Variants in TCF25 observed in about 807,000 individuals in gnomAD.
TCF25 encodes ribosome quality control complex subunit TCF25.
In TCF25, 41 loss-of-function variants were observed where a neutral mutation model predicts 83.1. The observed-to-expected ratio is 0.49, with a 90% CI of 0.38 to 0.64. TCF25 has a LOEUF of 0.64. Among genes scored for constraint, TCF25 ranks in the 30% least tolerant of loss-of-function variants. TCF25 has a pLI of 0.00. For synonymous variants in TCF25, 458 were observed against 365.0 expected, an observed-to-expected ratio of 1.25 and a Z score of -2.90; for missense variants, 979 against 914.5, an observed-to-expected ratio of 1.07 and a Z score of -0.91.
intron 9 of TCF25, among the ~76,000 whole-genome samples, chr16:89,896,409 G>C (rs746091174): frequency 1.3e-5 from 2 of 152,100 alleles, no homozygotes; most frequent in Non-Finnish European, 2.9e-5. Context: ...ATAAATGTTT[G>C]TGTTAGAAGT....
chr16:89,898,822 T>G lies in TCF25; in HGVS notation c.1171T>G (p.Leu391Val). The G allele has an allele frequency of 6.2e-7, 1 of 1,613,938 alleles. No individual in the cohort carries two copies. ...CMLLLIDHLA[L>V]RARNYEYLIR... ...GCTGCTGCTCATCGACCACCTGGCC[T>G]TGCGGGCCCGGAACTACGAGTACCT... The change falls in exon 11 of 18, where the codon TTG becomes GTG. Residue 391 changes from leucine (L) to valine (V), a missense_variant. By Grantham distance (32) the Leu-to-Val change is conservative. Transcript: ENST00000263346.
intron 1 of TCF25, chr16:89,878,588 C>T: frequency 8.6e-7 from 1 of 1,165,396 alleles, no homozygotes; most frequent in South Asian, 1.6e-5. Flanking sequence ...AAATGTTCCC[C>T]ATTTGAGACC....
chr16:89,904,202 T>C lies in TCF25; in HGVS notation c.1466T>C (p.Ile489Thr), dbSNP rs2044582662. Residue 489 changes from isoleucine to threonine, a missense_variant, in exon 13 of 18, where the codon ATA (isoleucine) becomes ACA (threonine). Transcript: ENST00000263346. ...CGCTTCTTTGGACCCAATGCTGAAA[T>C]AAGGTAAAGAGTGGCTGGTGGTGCC... is the stretch of plus-strand genomic sequence containing the variant. The part of the protein sequence containing the change: ...SHRFFGPNAE[I>T]SQPPALSQLV... 6.4e-7 allele frequency: 1 copy of C among 1,569,746 alleles called. No individual in the cohort carries two copies. Among genetic ancestry groups the C allele is most frequent in the African/African-American group, 1.4e-5 (1 of 73,744 alleles).
chr16:89,881,761 T>G (rs969381709), intron 1 of TCF25, among the ~76,000 whole-genome samples: 3 of 152,010 alleles, frequency 2.0e-5, no homozygotes, highest in South Asian at 2.1e-4. Flanking sequence ...CCTCTTTTTT[T>G]TTTGTTTTCT....
chr16:89,877,835 G>C (rs144115683), intron 1 of TCF25, among the ~76,000 whole-genome samples: 1 of 152,136 alleles, frequency 6.6e-6, no homozygotes, highest in African/African-American at 2.4e-5. Flanking sequence ...AGATAGTAAC[G>C]GGCGATAAGG....
Position 89,885,896 on chromosome 16 carries a change from A to G in TCF25, c.478A>G (p.Ser160Gly), listed in dbSNP as rs374708123. 69 of 1,614,072 alleles carry G rather than the reference A, an allele frequency of 4.3e-5. No individual in the cohort carries two copies. Among genetic ancestry groups the G allele is most frequent in the Non-Finnish European group, 5.7e-5 (67 of 1,180,044 alleles). ...IDRILERIED[S>G]TGLNRPGPAP... ...TCGCATCCTAGAGAGGATTGAGGAC[A>G]GCACTGGGTTGAACCGTCCCGGCCC... Residue 160 changes from serine to glycine, a missense_variant, in exon 4 of 18, where the codon AGC (serine) becomes GGC (glycine). Physicochemically the swap from Ser to Gly is moderately conservative, Grantham distance 56. Transcript: ENST00000263346.
chr16:89,886,926 C>G (rs533050905), intron 4 of TCF25, among the ~76,000 whole-genome samples: 54 of 152,238 alleles, frequency 3.5e-4, no homozygotes, highest in African/African-American at 1.3e-3. Flanking sequence ...CTGGGTGATA[C>G]AGCGAGACTC....
Position 89,894,031 on chromosome 16 carries a change from C to T in TCF25, c.828+173C>T, listed in dbSNP as rs1188078480. 3.1e-5 allele frequency: 30 copies of T among 954,766 alleles called. No individual in the cohort carries two copies. The Admixed American group carries it at 4.0e-4, about 13-fold the overall frequency. 59.1% of individuals were successfully genotyped at this position (954,766 alleles called of 1,614,324 possible). A position where few individuals can be genotyped will look rare whatever the true frequency, so the allele number is the denominator to read the frequency against. On this transcript the variant is annotated intron_variant, in intron 7 of 17. Transcript: ENST00000263346. ...CCCTGTGACCAGAAGGAGATGTGTT[C>T]GGAGGCTCTAGGCCAAGCGAGCTCC...
intron 5 of TCF25, chr16:89,890,074 T>C (rs1221098954): frequency 6.6e-6 from 1 of 152,182 alleles, no homozygotes; most frequent in African/African-American, 2.4e-5. Context: ...TTCACCATGT[T>C]GGCCAGGCTG....
At chr16:89,879,192 G>A (rs563568121) in intron 1 of TCF25, among the ~76,000 whole-genome samples, 31 of 150,680 alleles carry the variant, frequency 2.1e-4, no homozygotes, top group African/African-American at 6.8e-4. Flanking sequence ...CCTATCACCC[G>A]TGCTGTCCGT....
chr16:89,899,390 A>T (rs2044139002), intron 11 of TCF25, among the ~76,000 whole-genome samples: 1 of 152,208 alleles, frequency 6.6e-6, no homozygotes, highest in African/African-American at 2.4e-5. Context: ...ATTGGGTTAG[A>T]TATAACGTAT....
chr16:89,886,278 T>C, intron 4 of TCF25: 1 of 365,538 alleles, frequency 2.7e-6, no homozygotes, highest in South Asian at 2.1e-5. Flanking sequence ...ATACAAAAAA[T>C]TAGCTGGGCG....
rs754167639 is a variant in TCF25 at position 89,909,119 on chromosome 16, A to C, written c.1800-1472A>C. The C allele has an allele frequency of 3.9e-5, 50 of 1,288,384 alleles. No individual in the cohort carries two copies. The East Asian group carries it at 2.7e-3, about 69-fold the overall frequency. The allele number at this position is 1,288,384 out of a possible 1,614,324, so 79.8% of individuals were successfully genotyped here. A position where few individuals can be genotyped will look rare whatever the true frequency, so the allele number is the denominator to read the frequency against. ...CACAGTGGAAGCAGGTGTGCAGTGA[A>C]GTGGGGAAAACATATTAATTTTAGA... is the stretch of plus-strand genomic sequence containing the variant. On this transcript the variant is annotated intron_variant, in intron 16 of 17. Coordinates refer to ENST00000263346, the MANE Select transcript of TCF25 (RefSeq NM_014972.3).
chr16:89,884,416 G>C (rs1386463031), intron 2 of TCF25, among the ~76,000 whole-genome samples, 166 bp from the exon 3 acceptor site: 1 of 152,116 alleles, frequency 6.6e-6, no homozygotes, highest in Non-Finnish European at 1.5e-5. Context: ...CGGAGAGGTG[G>C]GAAGGTGCCT....
At chr16:89,904,007 G>C (rs1340167202) in intron 12 of TCF25, 111 bp from the exon 13 acceptor site, 1 of 1,099,322 alleles carries the variant, frequency 9.1e-7, no homozygotes, top group Non-Finnish European at 1.3e-6. Flanking sequence ...CTCCACCTTA[G>C]AACAGCTGTG....
At chr16:89,910,386 C>T (rs554616958) in intron 16 of TCF25, 6 of 603,422 alleles carry the variant, frequency 9.9e-6, no homozygotes, top group Admixed American at 2.9e-5. Context: ...TTCCCGCTGT[C>T]CACAGCCCCA....
At chr16:89,895,013 C>G in intron 7 of TCF25, 25 bp from the exon 8 acceptor site, 1 of 1,606,556 alleles carries the variant, frequency 6.2e-7, no homozygotes, top group South Asian at 1.1e-5. Context: ...TGCCTTTCCT[C>G]CAGGGCTGTC....
chr16:89,904,115 C>A lies in TCF25; in HGVS notation c.1382-3C>A. On this transcript the variant is annotated splice_region_variant and splice_polypyrimidine_tract_variant and intron_variant, in intron 12 of 17. Coordinates refer to ENST00000263346, the MANE Select transcript of TCF25 (RefSeq NM_014972.3). Reference sequence around the variant, plus strand: ...CCCCACAGAGCCTCCGCTTCCCCTGCAGTCCTCCTGCCCCTGCTCGAGTCT... The same window carrying A: ...CCCCACAGAGCCTCCGCTTCCCCTGAAGTCCTCCTGCCCCTGCTCGAGTCT... 1 of 1,604,414 alleles carries A rather than the reference C, an allele frequency of 6.2e-7. No individual in the cohort carries two copies. Among genetic ancestry groups the A allele is most frequent in the Admixed American group, 1.7e-5 (1 of 58,926 alleles).
At chr16:89,886,658 G>C (rs8058639) in intron 4 of TCF25, among the ~76,000 whole-genome samples, 42 of 151,304 alleles carry the variant, frequency 2.8e-4, no homozygotes, top group Non-Finnish European at 5.6e-4. Flanking sequence ...GCTACTCAGG[G>C]GGCTGAGGCC....
Sources: allele counts gnomAD v4.1 joint callset (sites outside exome capture counted in the v4.1 genomes callset), GRCh38; gene constraint gnomAD v4.1.1; transcripts MANE v1.5; gene names NCBI Gene and HGNC (gene_info 2026-07-23, HGNC 2026-07-21).